NEGR1: variants seen among roughly 807,000 people sequenced by gnomAD.
NEGR1 encodes the protein neuronal growth regulator 1, also known as IgLON family member 4.
A neutral mutation model predicts 40.9 loss-of-function variants in NEGR1; 10 were observed. That is an observed-to-expected ratio of 0.24 (90% CI 0.15 to 0.42). The LOEUF (loss-of-function observed/expected upper bound fraction) is 0.42, where lower values mean the gene tolerates loss of function less well. Among genes scored for constraint, NEGR1 ranks in the 10% least tolerant of loss-of-function variants. The pLI, the probability that NEGR1 is intolerant of heterozygous loss-of-function variation, is 1.00. For synonymous variants in NEGR1, 185 were observed against 166.8 expected, an observed-to-expected ratio of 1.11 and a Z score of -0.84; for missense variants, 352 against 438.9, an observed-to-expected ratio of 0.80 and a Z score of 1.77.
chr1:72,146,034 CT>C (rs1650896178), intron 1 of NEGR1, among the ~76,000 whole-genome samples: 1 of 152,010 alleles, frequency 6.6e-6, no homozygotes, highest in Non-Finnish European at 1.5e-5. Context: ...CTCCTCTTTT[CT>C]TTTGGCTGTT....
chr1:71,595,936 T>C (rs1309026309), intron 5 of NEGR1, among the ~76,000 whole-genome samples: 1 of 152,076 alleles, frequency 6.6e-6, no homozygotes. Flanking sequence ...TCTAATATGA[T>C]TGTCTATAAC....
intron 4 of NEGR1, among the ~76,000 whole-genome samples, chr1:71,679,365 A>G (rs1187381622): frequency 1.3e-5 from 2 of 152,148 alleles, no homozygotes; most frequent in Non-Finnish European, 2.9e-5. Context: ...ATGACTTTTC[A>G]TATCAAAAAT....
At chr1:72,054,305 T>C (rs1156384340) in intron 1 of NEGR1, among the ~76,000 whole-genome samples, 1 of 151,332 alleles carries the variant, frequency 6.6e-6, no homozygotes, top group Non-Finnish European at 1.5e-5. Flanking sequence ...CATTTTTACA[T>C]CTATAGCTGT....
At chr1:71,992,035 T>C (rs1646457846) in intron 1 of NEGR1, among the ~76,000 whole-genome samples, 1 of 152,102 alleles carries the variant, frequency 6.6e-6, no homozygotes, top group African/African-American at 2.4e-5. Context: ...GCTCAGGCAA[T>C]CTGCCCTCCT....
intron 3 of NEGR1, among the ~76,000 whole-genome samples, chr1:71,746,288 T>C (rs1655379314): frequency 6.6e-6 from 1 of 152,222 alleles, no homozygotes; most frequent in South Asian, 2.1e-4. Context: ...GTTTAATTAA[T>C]GAATAAATAA....
At chr1:71,774,479 C>T (rs1368642859) in intron 3 of NEGR1, among the ~76,000 whole-genome samples, 6 of 151,864 alleles carry the variant, frequency 4.0e-5, no homozygotes, top group African/African-American at 1.5e-4. Flanking sequence ...CACATAATAC[C>T]AATACTAAGC....
At position 71,791,454 on chromosome 1, in the gene NEGR1, G is replaced by A. The variant is rs1358053858; in HGVS notation, c.410-15157C>T. Among the ~76,000 whole-genome samples, 5 of 152,036 alleles carry A rather than the reference G, an allele frequency of 3.3e-5. No homozygotes were observed. The East Asian group carries it at 9.6e-4, about 29-fold the overall frequency. ...AACGTGGCCACAGTGGCAGTGTTTA[G>A]AGCATGGAAATTGGCAAATGCTATA... is the stretch of plus-strand genomic sequence containing the variant. On this transcript the variant is annotated intron_variant, in intron 2 of 6. Coordinates refer to ENST00000357731, the MANE Select transcript of NEGR1 (RefSeq NM_173808.3).
chr1:71,646,626 C>T (rs1570147108), intron 4 of NEGR1, among the ~76,000 whole-genome samples: 1 of 151,780 alleles, frequency 6.6e-6, no homozygotes, highest in East Asian at 1.9e-4. Context: ...GAGCACCACA[C>T]ATTTGAAAAA....
At chr1:71,488,503 C>T (rs1432357979) in intron 6 of NEGR1, among the ~76,000 whole-genome samples, 2 of 151,756 alleles carry the variant, frequency 1.3e-5, no homozygotes, top group African/African-American at 2.4e-5. Flanking sequence ...GTTTGAGGTA[C>T]TGAATATTTT....
At chr1:72,118,272 G>T (rs545578302) in intron 1 of NEGR1, among the ~76,000 whole-genome samples, 2 of 151,918 alleles carry the variant, frequency 1.3e-5, no homozygotes, top group African/African-American at 4.8e-5. Flanking sequence ...CCCAACTCTG[G>T]CACCTACAAG....
At chr1:72,078,918 G>A (rs1455468199) in intron 1 of NEGR1, among the ~76,000 whole-genome samples, 4 of 151,022 alleles carry the variant, frequency 2.6e-5, no homozygotes, top group African/African-American at 9.7e-5. Context: ...GGGATTACAG[G>A]CATGAGCCAC....
intron 1 of NEGR1, among the ~76,000 whole-genome samples, chr1:72,016,075 T>C (rs916300893): frequency 6.6e-6 from 1 of 152,206 alleles, no homozygotes; most frequent in Non-Finnish European, 1.5e-5. Context: ...CTCACATTTT[T>C]GCATTTAAAC....
At chr1:72,228,440 A>G (rs1012928721) in intron 1 of NEGR1, among the ~76,000 whole-genome samples, 1 of 152,216 alleles carries the variant, frequency 6.6e-6, no homozygotes, top group Non-Finnish European at 1.5e-5. Flanking sequence ...TCAAACTGCA[A>G]TCACACCACT....
intron 1 of NEGR1, among the ~76,000 whole-genome samples, chr1:71,937,470 C>T (rs1438229507): frequency 6.6e-6 from 1 of 152,050 alleles, no homozygotes; most frequent in Non-Finnish European, 1.5e-5. Context: ...CTATGGCCTT[C>T]GTATGTTTTT....
At chr1:71,607,671 C>G (rs920033063) in intron 5 of NEGR1, among the ~76,000 whole-genome samples, 1 of 152,012 alleles carries the variant, frequency 6.6e-6, no homozygotes, top group African/African-American at 2.4e-5. Flanking sequence ...GCTAAATAGA[C>G]AGCTTTTTAT....
At chr1:71,949,186 A>C (rs1306325570) in intron 1 of NEGR1, among the ~76,000 whole-genome samples, 1 of 152,294 alleles carries the variant, frequency 6.6e-6, no homozygotes, top group Admixed American at 6.5e-5. Flanking sequence ...ACGCACTTGA[A>C]AGGGCTATTT....
intron 2 of NEGR1, among the ~76,000 whole-genome samples, chr1:71,934,360 TG>T (rs1220650788): frequency 6.6e-6 from 1 of 152,128 alleles, no homozygotes; most frequent in Non-Finnish European, 1.5e-5. Flanking sequence ...TGTTTGTATC[TG>T]GAGATTGAAA....
At chr1:72,252,152 C>T (rs1235507762) in intron 1 of NEGR1, among the ~76,000 whole-genome samples, 1 of 151,748 alleles carries the variant, frequency 6.6e-6, no homozygotes, top group East Asian at 1.9e-4. Flanking sequence ...GTTTTCCAGG[C>T]TGGAGTGCAA....
At chr1:71,862,259 CA>C (rs559181675) in intron 2 of NEGR1, among the ~76,000 whole-genome samples, 18 of 151,952 alleles carry the variant, frequency 1.2e-4, no homozygotes, top group African/African-American at 4.3e-4. Flanking sequence ...TAAAAAGGGT[CA>C]AAAAAGGGAA....
Sources: allele counts gnomAD v4.1 joint callset (sites outside exome capture counted in the v4.1 genomes callset), GRCh38; gene constraint gnomAD v4.1.1; transcripts MANE v1.5; gene names NCBI Gene and HGNC (gene_info 2026-07-23, HGNC 2026-07-21).